Variants in SNX31 observed in about 807,000 individuals in gnomAD.
SNX31 encodes the protein sorting nexin-31.
In SNX31, 58 loss-of-function variants were observed where a neutral mutation model predicts 65.4. That is an observed-to-expected ratio of 0.89 (90% CI 0.72 to 1.10). The LOEUF (loss-of-function observed/expected upper bound fraction) is 1.10. SNX31 is among the 50% of genes least tolerant of loss of function. SNX31 has a pLI of 0.00. For synonymous variants in SNX31, 181 were observed against 190.1 expected (o/e 0.95, Z 0.39); for missense variants, 523 against 529.7 (o/e 0.99, Z 0.12).
Position 100,581,325 on chromosome 8 carries a change from C to CTATATATATATATATATA in SNX31, c.1170+2785_1170+2786insTATATATATATATATATA, listed in dbSNP as rs1401988460. Among the ~76,000 whole-genome samples, 125 of 129,314 alleles carry CTATATATATATATATATA rather than the reference C, an allele frequency of 9.7e-4. 1 individual carries two copies. The highest frequency in any genetic ancestry group is 4.0e-3 in the African/African-American group (116 of 28,924). 84.8% of individuals were successfully genotyped at this position (129,314 alleles called of 152,430 possible). The stretch of plus-strand genomic sequence containing the variant: ...AAAAAAATTTTTTATATATCTATAT[C>CTATATATATATATATATA]TATCTATCTATCTATATATATATAT... On this transcript the variant is annotated intron_variant, in intron 12 of 13. Coordinates refer to ENST00000311812, the MANE Select transcript of SNX31 (RefSeq NM_152628.4).
chr8:100,608,683 G>A (rs757359960), intron 7 of SNX31, 120 bp from the exon 8 acceptor site: 218 of 824,274 alleles, frequency 2.6e-4, no homozygotes, highest in Non-Finnish European at 3.9e-4. Context: ...TTCCAACAAA[G>A]CCACACCTCC....
rs74845758 is a variant in SNX31, at chr8:100,609,822, A to T, written c.612-1259T>A. Among the ~76,000 whole-genome samples the T allele has an allele frequency of 0.018, 2,790 of 152,244 alleles. 96 individuals carry two copies. The highest frequency in any genetic ancestry group is 0.061 in the African/African-American group (2,526 of 41,540). ...GCCCCTGTGTGCAGAGAATAGACCC[A>T]TCCCAGACTGGGGCTCCCACAGGCC... On this transcript the variant is annotated intron_variant, in intron 7 of 13. Transcript: ENST00000311812. This position sits in a 1 kb window ranked among gnomAD's most constrained non-coding sequence, Gnocchi z 4.9.
At chr8:100,647,021 TA>T (rs1377257068) in intron 2 of SNX31, among the ~76,000 whole-genome samples, 1 of 152,206 alleles carries the variant, frequency 6.6e-6, no homozygotes, top group Non-Finnish European at 1.5e-5. Flanking sequence ...AAGGCTATTA[TA>T]AAAATTAAGC....
chr8:100,649,998 A>G (rs1819913120), upstream of SNX31, among the ~76,000 whole-genome samples: 1 of 152,214 alleles, frequency 6.6e-6, no homozygotes, highest in Non-Finnish European at 1.5e-5. Flanking sequence ...GACATGCAGC[A>G]ATATATGCAA....
chr8:100,608,525 C>A lies in SNX31; in HGVS notation c.650G>T (p.Cys217Phe), dbSNP rs940251557. The A allele has an allele frequency of 2.5e-6, 4 of 1,614,072 alleles. No homozygotes were observed. The highest frequency in any genetic ancestry group is 1.7e-6 in the Non-Finnish European group (2 of 1,179,956). Residue 217 changes from cysteine (C) to phenylalanine (F), a missense_variant, in exon 8 of 14, where the codon TGC becomes TTC. By Grantham distance (205) the Cys-to-Phe change is radical. Coordinates refer to ENST00000311812, the MANE Select transcript of SNX31 (RefSeq NM_152628.4). ...GTAGAGCAAATCTACCGCCACCCTG[C>A]AGTCCATCAGCACGGAGTCGAGGGA... ...APSLDSVLMDCRVAVDLLYMQ... is the reference protein window; with the variant it reads ...APSLDSVLMDFRVAVDLLYMQ...
chr8:100,580,627 G>A (rs2130788462), intron 12 of SNX31, among the ~76,000 whole-genome samples: 1 of 152,302 alleles, frequency 6.6e-6, no homozygotes, highest in African/African-American at 2.4e-5. Flanking sequence ...GAATGTGGAT[G>A]TAATGATTGG....
chr8:100,644,062 C>A (rs1819459846), intron 2 of SNX31, among the ~76,000 whole-genome samples: 1 of 152,076 alleles, frequency 6.6e-6, no homozygotes, highest in East Asian at 1.9e-4. Flanking sequence ...GTGAGCCAGG[C>A]AGAGACAAAG....
chr8:100,647,908 C>T (rs1339243444), intron 2 of SNX31, among the ~76,000 whole-genome samples: 1 of 152,234 alleles, frequency 6.6e-6, no homozygotes, highest in Non-Finnish European at 1.5e-5. Flanking sequence ...GTTTCAGTCA[C>T]AAGTAGCTTC....
Position 100,630,543 on chromosome 8 carries a change from A to C in SNX31, c.257-152T>G, listed in dbSNP as rs1587016345. On this transcript the variant is annotated intron_variant, in intron 3 of 13. Transcript: ENST00000311812. The surrounding 1 kb of genome is among the most constrained non-coding windows in gnomAD (Gnocchi z 5.3). ...GTTGAAACCTCTCAAATACAGGAAA[A>C]CCCCCAAAGCTTGCCTCCTATAGGC... 1 of 648,464 alleles carries C rather than the reference A, an allele frequency of 1.5e-6. No individual in the cohort carries two copies. The highest frequency in any genetic ancestry group is 2.5e-6 in the Non-Finnish European group (1 of 392,694). The allele number at this position is 648,464 out of a possible 1,614,324, so 40.2% of individuals were successfully genotyped here. A position where few individuals can be genotyped will look rare whatever the true frequency, so the allele number is the denominator to read the frequency against.
In SNX31 at chr8:100,588,841, T is replaced by C. The variant is rs373787724; in HGVS notation, c.1092+25A>G. Reference sequence around the variant, plus strand: ...AGACAGCATTTCAGCACAGAGGGTGTTCAAGGTCTGCCCTGAGAACTCACC... The same window carrying C: ...AGACAGCATTTCAGCACAGAGGGTGCTCAAGGTCTGCCCTGAGAACTCACC... On this transcript the variant is annotated intron_variant, in intron 11 of 13. Coordinates refer to ENST00000311812, the MANE Select transcript of SNX31 (RefSeq NM_152628.4). The surrounding 1 kb of genome is among the most constrained non-coding windows in gnomAD (Gnocchi z 4.8). The C allele has an allele frequency of 1.1e-5, 17 of 1,554,298 alleles. No individual in the cohort carries two copies. The African/African-American group carries it at 1.9e-4, about 17-fold the overall frequency.
intron 8 of SNX31, among the ~76,000 whole-genome samples, chr8:100,605,391 C>T (rs1363462397): frequency 6.6e-6 from 1 of 152,094 alleles, no homozygotes; most frequent in African/African-American, 2.4e-5. Context: ...CTTGGACCCA[C>T]CTTTGACTTC....
At chr8:100,602,610 G>A (rs1378172817) in intron 8 of SNX31, among the ~76,000 whole-genome samples, 1 of 152,154 alleles carries the variant, frequency 6.6e-6, no homozygotes, top group Admixed American at 6.5e-5. Flanking sequence ...ATAACAATAT[G>A]CCAGCATCAC....
In SNX31 at chr8:100,596,667, C is replaced by G; in HGVS notation, c.950G>C (p.Arg317Thr). Residue 317 changes from arginine to threonine, a missense_variant, in exon 10 of 14, where the codon AGG (arginine) becomes ACG (threonine). By Grantham distance (71) the Arg-to-Thr change is moderately conservative. Transcript: ENST00000311812. The stretch of plus-strand genomic sequence containing the variant: ...GAAAGTGACCTGCCAGCACTTCACC[C>G]TGCTCATCTGGAAAACGATGTCCTG... ...QTQDIVFQMS[R>T]VKCWQVTFLG... The G allele has an allele frequency of 6.2e-7, 1 of 1,614,184 alleles. No homozygotes were observed. The highest frequency in any genetic ancestry group is 1.3e-5 in the African/African-American group (1 of 75,050).
intron 2 of SNX31, among the ~76,000 whole-genome samples, chr8:100,639,182 T>G (rs1395817670): frequency 6.6e-6 from 1 of 152,208 alleles, no homozygotes; most frequent in Non-Finnish European, 1.5e-5. Flanking sequence ...TTTTCTGAAC[T>G]TTACAACAGA....
intron 9 of SNX31, among the ~76,000 whole-genome samples, chr8:100,597,430 C>T (rs1481148298): frequency 1.3e-5 from 2 of 152,082 alleles, no homozygotes; most frequent in African/African-American, 4.8e-5. Context: ...TTAGTGGAGA[C>T]AGGGTTTCAC....
chr8:100,644,307 CTGT>C (rs1819477779), intron 2 of SNX31, among the ~76,000 whole-genome samples: 1 of 152,210 alleles, frequency 6.6e-6, no homozygotes, highest in Admixed American at 6.5e-5. Context: ...CCCCATATCA[CTGT>C]TCACAGAGCC....
chr8:100,574,237 C>CT (rs1280876701), intron 13 of SNX31, among the ~76,000 whole-genome samples: 1 of 152,194 alleles, frequency 6.6e-6, no homozygotes, highest in Non-Finnish European at 1.5e-5. Flanking sequence ...ACATTTAACT[C>CT]TACCTGTCTT....
rs1722207240 is a variant in SNX31 at position 100,648,069 on chromosome 8, A to G, written c.141+1205T>C. ...TTACAACTGTTCTTGGTTGACTCCA[A>G]AGATACTTAATCACACCTTGAAAAT... On this transcript the variant is annotated intron_variant, in intron 2 of 13. Coordinates refer to ENST00000311812, the MANE Select transcript of SNX31 (RefSeq NM_152628.4). The surrounding 1 kb of genome is among the most constrained non-coding windows in gnomAD (Gnocchi z 4.3). Among the ~76,000 whole-genome samples the G allele has an allele frequency of 6.6e-6, 1 of 152,232 alleles. No homozygotes were observed. Among genetic ancestry groups the G allele is most frequent in the Admixed American group, 6.5e-5 (1 of 15,284 alleles).
intron 2 of SNX31, among the ~76,000 whole-genome samples, chr8:100,643,720 A>T (rs906163111): frequency 8.3e-4 from 127 of 152,288 alleles, no homozygotes; most frequent in African/African-American, 3.0e-3. Flanking sequence ...TGCTGTCATC[A>T]TCATCACCAT....
Sources: gnomAD v4.1 joint callset for allele counts (sites outside exome capture counted in the v4.1 genomes callset) on GRCh38, gnomAD v4.1.1 for gene constraint, Gnocchi (gnomAD v3.1) non-coding constraint, MANE v1.5 for transcripts, NCBI Gene and HGNC (gene_info 2026-07-23, HGNC 2026-07-21) for gene names.